IL13RA1: variants seen among roughly 807,000 people sequenced by gnomAD.
The protein encoded by IL13RA1 is interleukin-13 receptor subunit alpha-1.
A neutral mutation model predicts 33.8 loss-of-function variants in IL13RA1; 14 were observed. That is an observed-to-expected ratio of 0.41 (90% CI 0.27 to 0.65). The LOEUF (loss-of-function observed/expected upper bound fraction) is 0.65. IL13RA1 is among the 30% of genes least tolerant of loss of function. The probability of loss-of-function intolerance (pLI) is 0.28; values close to 1 mark genes in which losing one functional copy is unlikely to be tolerated. For missense variants in IL13RA1, 313 were observed against 327.0 expected (o/e 0.96, Z 0.33); for synonymous variants, 116 against 115.7 (o/e 1.00, Z -0.02).
intron 2 of IL13RA1, among the ~76,000 whole-genome samples, chrX:118,742,293 C>G (rs2017352953): frequency 8.9e-6 from 1 of 112,293 alleles, no homozygotes; most frequent in African/African-American, 3.2e-5. Flanking sequence ...GCCAATGATA[C>G]TACTAGCAGT....
intron 1 of IL13RA1, among the ~76,000 whole-genome samples, chrX:118,736,270 T>C (rs180991445): frequency 6.1e-4 from 68 of 111,640 alleles, no homozygotes; most frequent in African/African-American, 1.9e-3. Flanking sequence ...CAGGTCTTTT[T>C]CAGGGACAGG....
chrX:118,789,223 A>G (rs1379785802), intron 10 of IL13RA1, among the ~76,000 whole-genome samples: 1 of 112,464 alleles, frequency 8.9e-6, no homozygotes, highest in Admixed American at 9.4e-5. Context: ...GTATAAAAAT[A>G]TAACATACAC....
intron 6 of IL13RA1, among the ~76,000 whole-genome samples, chrX:118,763,918 C>A (rs1327344213): frequency 2.7e-5 from 3 of 111,196 alleles, no homozygotes; most frequent in Non-Finnish European, 5.7e-5. Context: ...GGAATTAACT[C>A]TGTTTGTACA....
chrX:118,730,423 A>G (rs2017203486), intron 1 of IL13RA1, among the ~76,000 whole-genome samples: 1 of 112,198 alleles, frequency 8.9e-6, no homozygotes, highest in East Asian at 2.8e-4. Flanking sequence ...AGTGTTATGG[A>G]AGAGGTAAAA....
chrX:118,777,887 G>A (rs2017803436), intron 10 of IL13RA1, among the ~76,000 whole-genome samples: 1 of 112,056 alleles, frequency 8.9e-6, no homozygotes, highest in Admixed American at 9.5e-5. Flanking sequence ...GCATAGGGCA[G>A]TTAATTTAGG....
In IL13RA1 at chrX:118,749,761, C is replaced by T. The variant is rs138018049; in HGVS notation, c.471C>T (p.Asn157=). 3 of 1,156,779 alleles carry T rather than the reference C, an allele frequency of 2.6e-6. No individual in the cohort carries two copies. Among genetic ancestry groups the T allele is most frequent in the African/African-American group, 1.8e-5 (1 of 56,046 alleles). ...LPGRNTSPDT[N]YTLYYWHRSL... Reference sequence around the variant, plus strand: ...GAAGGAATACCAGTCCCGACACTAACTATACTCTCTACTATTGGTGAGTAT... The same window carrying T: ...GAAGGAATACCAGTCCCGACACTAATTATACTCTCTACTATTGGTGAGTAT... Residue 157 remains asparagine (N), a synonymous_variant, in exon 4 of 11, where the codon AAC becomes AAT. Coordinates refer to ENST00000371666, the MANE Select transcript of IL13RA1 (RefSeq NM_001560.3).
At chrX:118,765,930 C>T (rs370220003) in intron 6 of IL13RA1, among the ~76,000 whole-genome samples, 11 of 111,982 alleles carry the variant, frequency 9.8e-5, no homozygotes, top group East Asian at 5.5e-4. Context: ...TTATGAAGTG[C>T]CTGTTCAAGT....
Position 118,746,985 on chromosome X carries a change from A to C in IL13RA1, c.260A>C (p.Glu87Ala). 8.5e-7 allele frequency: 1 copy of C among 1,181,587 alleles called. No homozygotes were observed. Among genetic ancestry groups the C allele is most frequent in the Non-Finnish European group, 1.2e-6 (1 of 868,848 alleles). ...GCTCCGGAAACTCGTCGTTCAATAG[A>C]AGTACCCCTGAATGAGAGGATTTGT... is the stretch of plus-strand genomic sequence containing the variant. ...KIAPETRRSIEVPLNERICLQ... is the reference protein window; with the variant it reads ...KIAPETRRSIAVPLNERICLQ... Residue 87 changes from glutamate (E) to alanine (A), a missense_variant, in exon 3 of 11, where the codon GAA becomes GCA. Physicochemically the swap from Glu to Ala is moderately radical, Grantham distance 107 (BLOSUM62 -1). Transcript: ENST00000371666.
the IL13RA1 span, among the ~76,000 whole-genome samples, chrX:118,802,844 T>A: frequency 8.9e-6 from 1 of 111,933 alleles, no homozygotes; most frequent in African/African-American, 3.2e-5. Context: ...CAAAGATAGC[T>A]CTAATCAAAG....
chrX:118,755,726 A>G (rs1278390006), intron 4 of IL13RA1, among the ~76,000 whole-genome samples: 1 of 112,396 alleles, frequency 8.9e-6, no homozygotes, highest in African/African-American at 3.2e-5. Context: ...TTCATCATTA[A>G]AAACAATTTT....
At chrX:118,755,067 A>G (rs1288689464) in intron 4 of IL13RA1, among the ~76,000 whole-genome samples, 2 of 106,174 alleles carry the variant, frequency 1.9e-5, no homozygotes, top group African/African-American at 6.9e-5. Flanking sequence ...TCCAGCCTCA[A>G]CCTCCTGAGT....
At chrX:118,784,845 G>A (rs1372723664) in intron 10 of IL13RA1, among the ~76,000 whole-genome samples, 2 of 111,655 alleles carry the variant, frequency 1.8e-5, no homozygotes, top group African/African-American at 6.5e-5. Context: ...GGCATAATAT[G>A]TTTTGTCAGA....
chrX:118,800,453 A>T, the IL13RA1 span, among the ~76,000 whole-genome samples: 4 of 110,535 alleles, frequency 3.6e-5, no homozygotes, highest in Admixed American at 3.8e-4. Flanking sequence ...CTACCTTAAG[A>T]GCTGTAACAC....
intron 10 of IL13RA1, among the ~76,000 whole-genome samples, chrX:118,780,069 A>G (rs2017825707): frequency 8.9e-6 from 1 of 112,382 alleles, no homozygotes; most frequent in Non-Finnish European, 1.9e-5. Context: ...TCCATTGCAG[A>G]CCATTAAACA....
rs1203560596 is a variant in IL13RA1, at chrX:118,791,778, A to T, written c.1208A>T (p.Asp403Val). Residue 403 changes from aspartate (D) to valine (V), a missense_variant, in exon 11 of 11, where the codon GAC (aspartate) becomes GTC (valine). Asp to Val is a radical substitution (Grantham distance 152). Transcript: ENST00000371666. The stretch of plus-strand genomic sequence containing the variant: ...CCCTTCTAGCACTGGAAGAAGTACG[A>T]CATCTATGAGAAGCAAACCAAGGAG... The part of the protein sequence containing the change: ...NDDTLHWKKY[D>V]IYEKQTKEET... 1 of 1,026,420 alleles carries T rather than the reference A, an allele frequency of 9.7e-7. No homozygotes were observed. The highest frequency in any genetic ancestry group is 1.9e-5 in the South Asian group (1 of 52,177). 84.6% of individuals were successfully genotyped at this position (1,026,420 alleles called of 1,213,427 possible).
At chrX:118,758,269 G>C (rs951278786) in intron 5 of IL13RA1, 27 bp downstream of exon 5, 1 of 654,855 alleles carries the variant, frequency 1.5e-6, no homozygotes, top group African/African-American at 2.2e-5. Flanking sequence ...CTCTAAAACA[G>C]TATGGATAAA....
chrX:118,729,391 GA>G (rs2017190992), intron 1 of IL13RA1, among the ~76,000 whole-genome samples: 1 of 112,162 alleles, frequency 8.9e-6, no homozygotes, highest in Non-Finnish European at 1.9e-5. Context: ...GGTATGGTGG[GA>G]AAAAATTAGA....
At chrX:118,765,685 G>A (rs2017640564) in intron 6 of IL13RA1, among the ~76,000 whole-genome samples, 1 of 112,019 alleles carries the variant, frequency 8.9e-6, no homozygotes, top group South Asian at 3.6e-4. Context: ...GCATATGTGG[G>A]TCATAAGGTT....
At chrX:118,755,131 TAG>T (rs1222386785) in intron 4 of IL13RA1, among the ~76,000 whole-genome samples, 1 of 109,056 alleles carries the variant, frequency 9.2e-6, no homozygotes, top group Non-Finnish European at 1.9e-5. Flanking sequence ...GTATTTTCAG[TAG>T]AGACAGGGTT....
Sources: allele counts gnomAD v4.1 joint callset (sites outside exome capture counted in the v4.1 genomes callset), GRCh38; gene constraint gnomAD v4.1.1; transcripts MANE v1.5; gene names NCBI Gene and HGNC (gene_info 2026-07-23, HGNC 2026-07-21).